Variants in RTTN observed in about 807,000 individuals in gnomAD.
The protein encoded by RTTN is rotatin.
Under a neutral mutation model 269.2 loss-of-function variants are expected in RTTN, and 182 were observed. That is an observed-to-expected ratio of 0.68 (90% confidence interval 0.60 to 0.76). RTTN has a LOEUF of 0.76. Among genes scored for constraint, RTTN ranks in the 30% least tolerant of loss-of-function variants. The pLI is 0.00. For synonymous variants in RTTN, 1,006 were observed against 963.5 expected, an observed-to-expected ratio of 1.04 and a Z score of -0.82; for missense variants, 2,545 against 2,608.6, an observed-to-expected ratio of 0.98 and a Z score of 0.53.
chr18:70,127,855 C>T (rs1310101356), intron 24 of RTTN, 114 bp from the exon 25 acceptor site: 4 of 992,636 alleles, frequency 4.0e-6, no homozygotes, highest in South Asian at 1.8e-5. Flanking sequence ...TTTCTTTTAA[C>T]AAAAGGTTGA....
chr18:70,021,011 T>A, intron 44 of RTTN, 194 bp from the exon 45 acceptor site: 1 of 469,960 alleles, frequency 2.1e-6, no homozygotes, highest in East Asian at 3.0e-5. Flanking sequence ...AGGGCCTAAT[T>A]ATCTCACTAA....
At position 70,137,863 on chromosome 18, in the gene RTTN, T is replaced by C. The variant is rs984505179; in HGVS notation, c.2788+1736A>G. On this transcript the variant is annotated intron_variant, in intron 21 of 48. Coordinates refer to ENST00000640769, the MANE Select transcript of RTTN (RefSeq NM_173630.4). ...GTCTCCAACTCTACTGTAAGCTCCA[T>C]GAGGGTCATTTACCATGCTCACCAA... 5.3e-5 allele frequency among the ~76,000 whole-genome samples: 8 copies of C among 152,302 alleles called. No individual in the cohort carries two copies. In the East Asian group the frequency reaches 1.5e-3, roughly 29 times the overall value.
rs1414240480 is a variant in RTTN at position 70,176,188 on chromosome 18, GATGTAGATGTAGATGTAT to G, written c.1476+469_1476+486del. Among the ~76,000 whole-genome samples the G allele has an allele frequency of 8.6e-4, 116 of 134,910 alleles. No individual in the cohort carries two copies. The South Asian group carries it at 0.013, about 16-fold the overall frequency. The allele number at this position is 134,910 out of a possible 152,430, so 88.5% of individuals were successfully genotyped here. A position where few individuals can be genotyped will look rare whatever the true frequency, so the allele number is the denominator to read the frequency against. On this transcript the variant is annotated intron_variant, in intron 11 of 48. Coordinates refer to ENST00000640769, the MANE Select transcript of RTTN (RefSeq NM_173630.4). ...ACATGTATATGTATATGTATACGTAGATGTAGATGTAGATGTATATGTATATGTATATGTATATGTATA... is the reference window on the plus strand; with the variant it reads ...ACATGTATATGTATATGTATACGTAGATGTATATGTATATGTATATGTATA...
chr18:70,165,549 T>C (rs1318275404), intron 14 of RTTN, among the ~76,000 whole-genome samples: 2 of 151,858 alleles, frequency 1.3e-5, no homozygotes, highest in Non-Finnish European at 2.9e-5. Flanking sequence ...CTTTCAAGAG[T>C]ACGCAGTAAT....
intron 40 of RTTN, among the ~76,000 whole-genome samples, chr18:70,043,501 A>C (rs144938004): frequency 1.1e-3 from 165 of 152,330 alleles, no homozygotes; most frequent in East Asian, 8.7e-3. Context: ...ATAATATTTA[A>C]AACTGAATAA....
chr18:70,109,713 AT>A lies in RTTN; in HGVS notation c.3687del (p.Lys1229AsnfsTer15), dbSNP rs1412218975. On this transcript the variant is annotated frameshift_variant, in exon 28 of 49. Coordinates refer to ENST00000640769, the MANE Select transcript of RTTN (RefSeq NM_173630.4). LOFTEE classifies it high-confidence loss of function. ...LLNFMEVTDR[K>X]CSELLYVFQT... ...TGAAAAACGTAAAGAAGTTCCGAGC[AT>A]TTCCTATGTATGCAAAAGAGGGAAA... The A allele has an allele frequency of 6.2e-7, 1 of 1,613,886 alleles. No individual in the cohort carries two copies. The highest frequency in any genetic ancestry group is 8.5e-7 in the Non-Finnish European group (1 of 1,179,852).
rs549339473 is a variant in RTTN at position 70,156,538 on chromosome 18, C to G, written c.1930-5805G>C. On this transcript the variant is annotated intron_variant, in intron 14 of 48. Coordinates refer to ENST00000640769, the MANE Select transcript of RTTN (RefSeq NM_173630.4). ...CCATTTGCCTTGTGATATTCTATTA[C>G]CTTGTGAAGCACGTGATTTTTGTGA... Among the ~76,000 whole-genome samples the G allele has an allele frequency of 4.6e-5, 7 of 152,228 alleles. No homozygotes were observed. The South Asian group carries it at 1.5e-3, about 32-fold the overall frequency.
chr18:70,165,308 A>C (rs1267557753), intron 14 of RTTN, among the ~76,000 whole-genome samples: 1 of 151,534 alleles, frequency 6.6e-6, no homozygotes, highest in Non-Finnish European at 1.5e-5. Context: ...GATAATATTT[A>C]TATATAAAGA....
intron 40 of RTTN, among the ~76,000 whole-genome samples, chr18:70,043,545 G>A (rs1213132064): frequency 1.3e-5 from 2 of 152,096 alleles, no homozygotes; most frequent in Non-Finnish European, 2.9e-5. Context: ...GTTATTTAGA[G>A]ACATGAAAGA....
intron 28 of RTTN, among the ~76,000 whole-genome samples, chr18:70,098,356 C>G (rs1035809086): frequency 6.6e-6 from 1 of 152,088 alleles, no homozygotes; most frequent in Admixed American, 6.6e-5. Flanking sequence ...TAACCAAAAT[C>G]AGAGCTGAAC....
At position 70,153,296 on chromosome 18, in the gene RTTN, T is replaced by C. The variant is rs55823052; in HGVS notation, c.1930-2563A>G. On this transcript the variant is annotated intron_variant, in intron 14 of 48. Coordinates refer to ENST00000640769, the MANE Select transcript of RTTN (RefSeq NM_173630.4). ...TTATAAAGAAAACTATATATACATA[T>C]ATACACACACACATACACATACATA... Among the ~76,000 whole-genome samples, 1,358 of 152,118 alleles carry C rather than the reference T, an allele frequency of 8.9e-3. 9 individuals are homozygous for C. Among genetic ancestry groups the C allele is most frequent in the Non-Finnish European group, 0.014 (944 of 67,974 alleles).
In RTTN at chr18:70,172,692, TA is replaced by T. The variant is rs138697922; in HGVS notation, c.1477-3626del. The stretch of plus-strand genomic sequence containing the variant: ...GAAACAATAAAACAATAACTACCTT[TA>T]AAAAAAAAAGCATGGAAAATTAACT... On this transcript the variant is annotated intron_variant, in intron 11 of 48. Transcript: ENST00000640769. 1.3e-3 allele frequency among the ~76,000 whole-genome samples: 188 copies of T among 147,260 alleles called. 1 individual carries two copies. The highest frequency in any genetic ancestry group is 3.8e-3 in the African/African-American group (152 of 40,366).
chr18:70,039,174 C>A (rs2057265423), intron 40 of RTTN, among the ~76,000 whole-genome samples: 1 of 152,002 alleles, frequency 6.6e-6, no homozygotes, highest in East Asian at 1.9e-4. Flanking sequence ...AGAGAACTTA[C>A]AAAACTTAGA....
intron 31 of RTTN, 127 bp downstream of exon 31, chr18:70,087,861 TG>T (rs1258479240): frequency 4.5e-6 from 4 of 880,098 alleles, no homozygotes; most frequent in Non-Finnish European, 5.1e-6. Flanking sequence ...TCATTTTGTT[TG>T]GGTGTTCACA....
chr18:70,105,707 T>C (rs1425634219), intron 28 of RTTN, among the ~76,000 whole-genome samples: 1 of 152,204 alleles, frequency 6.6e-6, no homozygotes, highest in Non-Finnish European at 1.5e-5. Context: ...ATTTATGATC[T>C]TTAAACTTGT....
rs372558548 is a variant in RTTN at position 70,196,587 on chromosome 18, G to A, written c.755C>T (p.Ser252Leu). ...GDGKHRLALQ[S>L]VSCLQQLCMY... is the part of the protein sequence containing the mutation. The stretch of plus-strand genomic sequence containing the variant: ...GCACAGCTGCTGCAGGCAGGACACC[G>A]ACTGTAATGCCAGGCGATGCTTTCC... The change falls in exon 7 of 49, where the codon TCG becomes TTG. Residue 252 changes from serine to leucine, a missense_variant. By Grantham distance (145) the Ser-to-Leu change is moderately radical (BLOSUM62 -2). Coordinates refer to ENST00000640769, the MANE Select transcript of RTTN (RefSeq NM_173630.4). 14 of 1,595,226 alleles carry A rather than the reference G, an allele frequency of 8.8e-6. No individual in the cohort carries two copies. Among genetic ancestry groups the A allele is most frequent in the African/African-American group, 5.7e-5 (4 of 69,626 alleles).
chr18:70,063,803 T>A (rs1464476146), intron 35 of RTTN, among the ~76,000 whole-genome samples: 1 of 152,084 alleles, frequency 6.6e-6, no homozygotes, highest in African/African-American at 2.4e-5. Flanking sequence ...CTTGCTAATT[T>A]ATTTTGTAAA....
At position 70,158,566 on chromosome 18, in the gene RTTN, A is replaced by G. The variant is rs114991489; in HGVS notation, c.1929+7496T>C. Among the ~76,000 whole-genome samples the G allele has an allele frequency of 6.6e-3, 998 of 152,278 alleles. 9 individuals carry two copies. Among genetic ancestry groups the G allele is most frequent in the African/African-American group, 0.022 (927 of 41,556 alleles). ...GTCTACGTAACAACCAGCTAGCAAC[A>G]TGGCGACAGAATCAAATCCTCACAT... On this transcript the variant is annotated intron_variant, in intron 14 of 48. Transcript: ENST00000640769.
chr18:70,109,124 G>A (rs1314721809), intron 28 of RTTN, among the ~76,000 whole-genome samples: 1 of 152,182 alleles, frequency 6.6e-6, no homozygotes, highest in East Asian at 1.9e-4. Context: ...TACAGCCTGA[G>A]TATGCCGTAT....
Sources: gnomAD v4.1 joint callset for allele counts (sites outside exome capture counted in the v4.1 genomes callset) on GRCh38, gnomAD v4.1.1 for gene constraint, MANE v1.5 for transcripts, NCBI Gene and HGNC (gene_info 2026-07-23, HGNC 2026-07-21) for gene names.